The following COL25A1 variants were observed in gnomAD, a reference collection of about 807,000 sequenced individuals.
COL25A1 encodes the protein collagen type XXV alpha 1 chain, also known as collagen alpha-1(XXV) chain.
Under a neutral mutation model 128.4 loss-of-function variants are expected in COL25A1, and 103 were observed. That is an observed-to-expected ratio of 0.80 (90% CI 0.68 to 0.94). The LOEUF (loss-of-function observed/expected upper bound fraction) is 0.94, where lower values mean the gene tolerates loss of function less well. COL25A1 is among the 40% of genes least tolerant of loss of function. The probability of loss-of-function intolerance (pLI) is 0.00; values close to 1 mark genes in which losing one functional copy is unlikely to be tolerated. For synonymous variants in COL25A1, 279 were observed against 277.2 expected (o/e 1.01, Z -0.06); for missense variants, 745 against 840.0 (o/e 0.89, Z 1.40).
At chr4:109,199,008 T>C (rs1297965922) in intron 3 of COL25A1, among the ~76,000 whole-genome samples, 1 of 152,138 alleles carries the variant, frequency 6.6e-6, no homozygotes, top group Admixed American at 6.6e-5. Context: ...GGTGCACAGG[T>C]AGAAGGAGAT....
chr4:108,869,051 A>AAAAG (rs751139077), intron 20 of COL25A1, 37 bp downstream of exon 20: 11 of 1,353,774 alleles, frequency 8.1e-6, no homozygotes, highest in Non-Finnish European at 1.1e-5. Flanking sequence ...GAAAGAAAGA[A>AAAAG]AAAGAAAGAA....
At chr4:108,868,510 G>T (rs55935125) in intron 20 of COL25A1, among the ~76,000 whole-genome samples, 2,799 of 140,308 alleles carry the variant, frequency 0.02, 89 homozygotes, top group African/African-American at 0.068. Flanking sequence ...GAGGGAGGGA[G>T]GGAGAGAGAG....
chr4:108,909,972 G>A (rs973937464), intron 13 of COL25A1, among the ~76,000 whole-genome samples: 5 of 152,170 alleles, frequency 3.3e-5, no homozygotes, highest in Admixed American at 2.6e-4. Context: ...GGGGCTTAGC[G>A]GTGCACGTGC....
Position 109,049,215 on chromosome 4 carries a change from T to C in COL25A1, c.412+920A>G, listed in dbSNP as rs115990036. Among the ~76,000 whole-genome samples the C allele has an allele frequency of 8.8e-3, 1,339 of 152,282 alleles. 10 individuals are homozygous for C. The highest frequency in any genetic ancestry group is 0.016 in the Non-Finnish European group (1,056 of 68,012). On this transcript the variant is annotated intron_variant, in intron 4 of 37. Coordinates refer to ENST00000399132, the MANE Select transcript of COL25A1 (RefSeq NM_198721.4). ...ACTTAGTAGTTGATTATTTTTAATA[T>C]TGAAAAATACTTAGAGAAAATACTG...
intron 21 of COL25A1, among the ~76,000 whole-genome samples, chr4:108,863,059 A>T (rs1208952645): frequency 6.6e-6 from 1 of 152,202 alleles, no homozygotes; most frequent in African/African-American, 2.4e-5. Context: ...TTTAATACAC[A>T]TTGAGTGATA....
chr4:109,269,399 G>A (rs1190248791), intron 3 of COL25A1, among the ~76,000 whole-genome samples: 1 of 145,938 alleles, frequency 6.9e-6, no homozygotes, highest in African/African-American at 2.6e-5. Flanking sequence ...ACATACGTGT[G>A]CATGTGTCTT....
intron 6 of COL25A1, among the ~76,000 whole-genome samples, chr4:108,985,510 C>T (rs922451175): frequency 3.3e-5 from 5 of 152,266 alleles, no homozygotes; most frequent in South Asian, 2.1e-4. Context: ...CATATTTTTA[C>T]GGTCTGTTTT....
intron 3 of COL25A1, among the ~76,000 whole-genome samples, chr4:109,163,149 T>C (rs1772742970): frequency 1.3e-5 from 2 of 152,148 alleles, no homozygotes; most frequent in Non-Finnish European, 2.9e-5. Context: ...AGTAAAGTGC[T>C]AGGATGTTAA....
intron 3 of COL25A1, among the ~76,000 whole-genome samples, chr4:109,170,056 T>C (rs1773445071): frequency 6.6e-6 from 1 of 152,126 alleles, no homozygotes; most frequent in Admixed American, 6.5e-5. Context: ...GCTATGAACA[T>C]TGGTTCAGAC....
chr4:109,016,440 C>G (rs115801068), intron 5 of COL25A1, among the ~76,000 whole-genome samples: 1 of 152,182 alleles, frequency 6.6e-6, no homozygotes, highest in African/African-American at 2.4e-5. Context: ...GATTCCTAGG[C>G]GGAAAGGGGC....
At position 108,892,393 on chromosome 4, in the gene COL25A1, TTAA is replaced by T. The variant is rs562241076; in HGVS notation, c.907-2663_907-2661del. On this transcript the variant is annotated intron_variant, in intron 16 of 37. Coordinates refer to ENST00000399132, the MANE Select transcript of COL25A1 (RefSeq NM_198721.4). ...ACACTCAGATAATTATATGTGTGTG[TTAA>T]TAAGGCACATGTGGATATATGAAGT... Among the ~76,000 whole-genome samples the T allele has an allele frequency of 3.3e-5, 5 of 152,346 alleles. No homozygotes were observed. The South Asian group carries it at 1.0e-3, about 32-fold the overall frequency.
intron 3 of COL25A1, among the ~76,000 whole-genome samples, chr4:109,218,357 G>GTTTTTTTTTTGTTTGTTTGTTTTTTTTTT (rs1553961829): frequency 4.1e-5 from 3 of 73,532 alleles, no homozygotes; most frequent in African/African-American, 1.7e-4. Flanking sequence ...GTTTTTTGGG[G>GTTTTTTTTTTGTTTGTTTGTTTTTTTTTT]TTTTTTTTTT....
chr4:109,139,769 T>C (rs930838858), intron 3 of COL25A1, among the ~76,000 whole-genome samples: 7 of 152,206 alleles, frequency 4.6e-5, no homozygotes, highest in East Asian at 1.9e-4. Context: ...GTGTGCTGCA[T>C]CCATTAACTC....
chr4:109,186,886 G>A lies in COL25A1; in HGVS notation c.367+113697C>T, dbSNP rs374445656. ...AAATGCTTTGCTCTCTTCTGTGACC[G>A]AAAACTGGACTAAAAACTGTATTCA... is the stretch of plus-strand genomic sequence containing the variant. On this transcript the variant is annotated intron_variant, in intron 3 of 37. Transcript: ENST00000399132. 1.2e-4 allele frequency among the ~76,000 whole-genome samples: 19 copies of A among 152,270 alleles called. No individual in the cohort carries two copies. The South Asian group carries it at 3.1e-3, about 25-fold the overall frequency.
intron 3 of COL25A1, among the ~76,000 whole-genome samples, chr4:109,176,815 G>C (rs1256982716): frequency 2.6e-5 from 4 of 152,056 alleles, no homozygotes; most frequent in African/African-American, 9.7e-5. Flanking sequence ...AGAGGAGAAG[G>C]CCACGTGAAG....
At chr4:109,163,875 C>A (rs960448473) in intron 3 of COL25A1, among the ~76,000 whole-genome samples, 3 of 152,156 alleles carry the variant, frequency 2.0e-5, no homozygotes, top group Admixed American at 6.5e-5. Context: ...TTTCCTGACC[C>A]TTCAGCTTTG....
At chr4:109,054,887 A>G (rs768709932) in intron 3 of COL25A1, among the ~76,000 whole-genome samples, 1 of 152,122 alleles carries the variant, frequency 6.6e-6, no homozygotes, top group Non-Finnish European at 1.5e-5. Context: ...CTCCACCCCA[A>G]ACAATCCCTG....
intron 3 of COL25A1, among the ~76,000 whole-genome samples, chr4:109,118,571 G>T (rs1279517988): frequency 1.3e-5 from 2 of 151,792 alleles, no homozygotes; most frequent in Non-Finnish European, 2.9e-5. Flanking sequence ...AAAGAAAGCT[G>T]GAGTAACTAT....
intron 5 of COL25A1, among the ~76,000 whole-genome samples, chr4:109,022,851 G>C (rs1648038): frequency 0.51 from 77,656 of 151,958 alleles, 22,604 homozygotes; most frequent in African/African-American, 0.78. Flanking sequence ...ACACTGCTTT[G>C]GGGTGTTACA....
Sources: allele counts gnomAD v4.1 joint callset (sites outside exome capture counted in the v4.1 genomes callset), GRCh38; gene constraint gnomAD v4.1.1; transcripts MANE v1.5; gene names NCBI Gene and HGNC (gene_info 2026-07-23, HGNC 2026-07-21).